Variants in FSTL4 observed in about 807,000 individuals in gnomAD.
The protein encoded by FSTL4 is follistatin like 4, also known as follistatin-related protein 4.
FSTL4 carries 28 observed loss-of-function variants against 78.2 expected under a neutral mutation model. The observed-to-expected ratio is 0.36, with a 90% CI of 0.27 to 0.49. FSTL4 has a LOEUF of 0.49. Among genes scored for constraint, FSTL4 ranks in the 20% least tolerant of loss-of-function variants. The probability of loss-of-function intolerance (pLI) is 0.98; values close to 1 mark genes in which losing one functional copy is unlikely to be tolerated. For synonymous variants in FSTL4, 422 were observed against 440.5 expected (o/e 0.96, Z 0.53); for missense variants, 922 against 1,084.9 (o/e 0.85, Z 2.11).
the FSTL4 span, among the ~76,000 whole-genome samples, chr5:133,696,271 A>T: frequency 6.6e-6 from 1 of 152,102 alleles, no homozygotes; most frequent in Non-Finnish European, 1.5e-5. Context: ...ACTGGGGGGT[A>T]TCTTTGGTCT....
At chr5:133,682,267 C>T in the FSTL4 span, among the ~76,000 whole-genome samples, 1 of 152,230 alleles carries the variant, frequency 6.6e-6, no homozygotes, top group Non-Finnish European at 1.5e-5. Flanking sequence ...AGTGTGAGTT[C>T]AGCCTCCCAG....
the FSTL4 span, among the ~76,000 whole-genome samples, chr5:133,662,128 G>T: frequency 6.6e-6 from 1 of 152,086 alleles, no homozygotes; most frequent in Non-Finnish European, 1.5e-5. Flanking sequence ...CTTGAGGATT[G>T]TTTTAGAAAA....
intron 3 of FSTL4, among the ~76,000 whole-genome samples, chr5:133,509,613 G>A (rs1263831980): frequency 6.6e-6 from 1 of 152,230 alleles, no homozygotes; most frequent in Non-Finnish European, 1.5e-5. Context: ...GAGTATGGCT[G>A]TTGGAGCTTT....
At chr5:133,271,173 A>G (rs971404843) in intron 6 of FSTL4, among the ~76,000 whole-genome samples, 1 of 152,174 alleles carries the variant, frequency 6.6e-6, no homozygotes, top group Non-Finnish European at 1.5e-5. Context: ...AATTTGCCCA[A>G]TTGGGGAAGA....
intron 2 of FSTL4, among the ~76,000 whole-genome samples, chr5:133,581,376 T>C (rs1760403507): frequency 6.6e-6 from 1 of 152,196 alleles, no homozygotes; most frequent in Non-Finnish European, 1.5e-5. Flanking sequence ...AGTTTCCTCG[T>C]CTGAAGAGGA....
At chr5:133,223,433 CCATCAATCA>C (rs1751219148) in intron 11 of FSTL4, among the ~76,000 whole-genome samples, 2 of 152,166 alleles carry the variant, frequency 1.3e-5, no homozygotes, top group Non-Finnish European at 2.9e-5. Context: ...TGTGCTTAAC[CCATCAATCA>C]CATGGTACCT....
At chr5:133,740,933 CTGGATGGATGGATGGA>C in the FSTL4 span, among the ~76,000 whole-genome samples, 71 of 148,966 alleles carry the variant, frequency 4.8e-4, no homozygotes, top group Admixed American at 6.0e-4. Flanking sequence ...AAGTCAGCCT[CTGGATGGATGGATGGA>C]TGGATGGATG....
At position 133,394,569 on chromosome 5, in the gene FSTL4, C is replaced by T. The variant is rs578249621; in HGVS notation, c.409+6169G>A. On this transcript the variant is annotated intron_variant, in intron 4 of 15. Transcript: ENST00000265342. ...CACCGGGCTGTTCTCGAATTCTCGCCGGGCCTCAGCTGCCTCCCCGCAGGG... is the reference window on the plus strand; with the variant it reads ...CACCGGGCTGTTCTCGAATTCTCGCTGGGCCTCAGCTGCCTCCCCGCAGGG... Among the ~76,000 whole-genome samples the T allele has an allele frequency of 8.5e-5, 13 of 152,362 alleles. No homozygotes were observed. The South Asian group carries it at 1.0e-3, about 12-fold the overall frequency.
intron 3 of FSTL4, among the ~76,000 whole-genome samples, chr5:133,554,974 T>A (rs1001954318): frequency 2.0e-5 from 3 of 152,220 alleles, no homozygotes; most frequent in African/African-American, 7.2e-5. Context: ...TGCTGCAGAA[T>A]CATCTGTCTA....
chr5:133,229,116 TA>T (rs1417416951), intron 8 of FSTL4, among the ~76,000 whole-genome samples: 1 of 152,142 alleles, frequency 6.6e-6, no homozygotes, highest in Admixed American at 6.5e-5. Context: ...CTGATGACAT[TA>T]AAAAAGGCTT....
chr5:133,329,671 C>T (rs1754298186), intron 4 of FSTL4, among the ~76,000 whole-genome samples: 1 of 152,184 alleles, frequency 6.6e-6, no homozygotes, highest in South Asian at 2.1e-4. Context: ...AGATTGTGCC[C>T]ACCAGATCAA....
chr5:133,635,620 G>C, the FSTL4 span, among the ~76,000 whole-genome samples: 4 of 152,124 alleles, frequency 2.6e-5, no homozygotes, highest in Non-Finnish European at 5.9e-5. Flanking sequence ...AAAATTAGCT[G>C]GGCGTGGTGG....
At chr5:133,681,465 T>C in the FSTL4 span, among the ~76,000 whole-genome samples, 15 of 152,318 alleles carry the variant, frequency 9.8e-5, no homozygotes, top group East Asian at 2.9e-3. Context: ...GAGTCTGTGA[T>C]CCAGTCCTAG....
intron 6 of FSTL4, among the ~76,000 whole-genome samples, chr5:133,273,733 C>T (rs139021006): frequency 1.5e-3 from 235 of 152,274 alleles, no homozygotes; most frequent in African/African-American, 5.4e-3. Flanking sequence ...CAGGCCTTTG[C>T]GTAGCTGAAG....
the FSTL4 span, among the ~76,000 whole-genome samples, chr5:133,625,205 T>C: frequency 6.6e-6 from 1 of 151,662 alleles, no homozygotes; most frequent in Non-Finnish European, 1.5e-5. Context: ...TGGTGTTAGG[T>C]CCTCAAACAT....
At chr5:133,678,702 G>T in the FSTL4 span, among the ~76,000 whole-genome samples, 2 of 152,100 alleles carry the variant, frequency 1.3e-5, no homozygotes, top group African/African-American at 4.8e-5. Context: ...GAGAAGTCGG[G>T]GATGGAGTTA....
At chr5:133,667,547 C>G in the FSTL4 span, among the ~76,000 whole-genome samples, 8 of 152,240 alleles carry the variant, frequency 5.3e-5, no homozygotes, top group African/African-American at 1.9e-4. Context: ...CTGACTCACT[C>G]AGCTCCAGCT....
intron 4 of FSTL4, among the ~76,000 whole-genome samples, chr5:133,381,391 T>A (rs1464439391): frequency 6.6e-6 from 1 of 152,168 alleles, no homozygotes; most frequent in Non-Finnish European, 1.5e-5. Flanking sequence ...AAGAAATAAA[T>A]CTGAAAAGAA....
the FSTL4 span, among the ~76,000 whole-genome samples, chr5:133,679,681 C>T: frequency 6.6e-6 from 1 of 152,184 alleles, no homozygotes; most frequent in East Asian, 1.9e-4. Context: ...AGCCAGTCAT[C>T]TATTTGCAGA....
Sources: allele counts gnomAD v4.1 joint callset (sites outside exome capture counted in the v4.1 genomes callset), GRCh38; gene constraint gnomAD v4.1.1; transcripts MANE v1.5; gene names NCBI Gene and HGNC (gene_info 2026-07-23, HGNC 2026-07-21).